LIAT1: variants seen among roughly 807,000 people sequenced by gnomAD.
LIAT1 encodes the protein ligand of ATE1, also known as protein LIAT1.
At chr17:410,362 G>A in the LIAT1 span, 1 of 1,505,520 alleles carries the variant, frequency 6.6e-7, no homozygotes, top group Non-Finnish European at 8.8e-7. Flanking sequence ...CGTGGCCCTG[G>A]CCTGGCGGTC....
the LIAT1 span, chr17:413,008 G>C: frequency 1.2e-6 from 1 of 858,154 alleles, no homozygotes; most frequent in Non-Finnish European, 1.8e-6. Flanking sequence ...TGGGCACGAG[G>C]CTGGTGGGCT....
At chr17:413,048 C>G in the LIAT1 span, 1 of 1,427,802 alleles carries the variant, frequency 7.0e-7, no homozygotes. Context: ...TACGGAGGGG[C>G]CCCCATCCTC....
the LIAT1 span, chr17:413,429 C>G: frequency 3.1e-6 from 5 of 1,614,084 alleles, no homozygotes; most frequent in East Asian, 4.5e-5. Context: ...TCGGAGAAAA[C>G]GGTACCGGTG....
At chr17:412,408 C>G in the LIAT1 span, among the ~76,000 whole-genome samples, 262 of 152,180 alleles carry the variant, frequency 1.7e-3, no homozygotes, top group African/African-American at 6.0e-3. Context: ...GTGCCTCATA[C>G]CATCAGCAGG....
At chr17:410,455 A>G in the LIAT1 span, 1 of 1,539,892 alleles carries the variant, frequency 6.5e-7, no homozygotes, top group Non-Finnish European at 8.7e-7. Context: ...GGGCGGCTGG[A>G]CCGCCGCGGT....
chr17:413,284 C>T, the LIAT1 span: 27 of 1,614,250 alleles, frequency 1.7e-5, no homozygotes, highest in East Asian at 4.5e-4. Context: ...TCCCTTCTGA[C>T]TCCTCCACCG....
At chr17:414,130 C>T in the LIAT1 span, 54 of 1,604,336 alleles carry the variant, frequency 3.4e-5, 1 homozygote, top group Admixed American at 2.1e-4. The surrounding 1 kb of genome is among the most constrained non-coding windows in gnomAD (Gnocchi z 4.1). Flanking sequence ...CTACCCACGA[C>T]GCTCACAAAC....
chr17:410,702 G>T, the LIAT1 span: 1 of 1,481,734 alleles, frequency 6.7e-7, no homozygotes, highest in East Asian at 2.5e-5. Context: ...AGACTCTTTG[G>T]GGACCCACCC....
chr17:412,318 CTG>C, the LIAT1 span, among the ~76,000 whole-genome samples: 5 of 152,082 alleles, frequency 3.3e-5, no homozygotes, highest in East Asian at 9.7e-4. Context: ...AAAAAAAGCC[CTG>C]TGTGTATCTG....
the LIAT1 span, among the ~76,000 whole-genome samples, chr17:412,464 A>G: frequency 1.3e-5 from 2 of 152,218 alleles, no homozygotes; most frequent in African/African-American, 4.8e-5. Context: ...GGAAATGTCA[A>G]AAGATGATTT....
chr17:414,064 C>A, the LIAT1 span: 1 of 1,614,246 alleles, frequency 6.2e-7, no homozygotes, highest in Non-Finnish European at 8.5e-7. The surrounding 1 kb of genome is among the most constrained non-coding windows in gnomAD (Gnocchi z 4.1). Flanking sequence ...TTGAAGGAAA[C>A]CTTACCCCAA....
the LIAT1 span, among the ~76,000 whole-genome samples, chr17:412,850 G>A: frequency 6.6e-6 from 1 of 152,230 alleles, no homozygotes; most frequent in Non-Finnish European, 1.5e-5. Flanking sequence ...TCATGACATT[G>A]GCAAGTTCCT....
the LIAT1 span, chr17:413,673 C>G: frequency 6.3e-7 from 1 of 1,575,286 alleles, no homozygotes; most frequent in Non-Finnish European, 8.6e-7. Flanking sequence ...GGTTTCCACA[C>G]TGACCCCGAG....
the LIAT1 span, among the ~76,000 whole-genome samples, chr17:412,890 CGAA>C: frequency 9.8e-5 from 15 of 152,322 alleles, no homozygotes; most frequent in East Asian, 2.1e-3. Flanking sequence ...TTTCCTCACC[CGAA>C]GAATAGGGCC....
the LIAT1 span, chr17:413,499 C>G: frequency 1.7e-5 from 25 of 1,461,664 alleles, 4 homozygotes; most frequent in Non-Finnish European, 2.1e-5. Flanking sequence ...CACCCCGACC[C>G]CGACGCCCTC....
the LIAT1 span, chr17:414,066 T>G: frequency 6.2e-7 from 1 of 1,614,220 alleles, no homozygotes; most frequent in Non-Finnish European, 8.5e-7. This position sits in a 1 kb window ranked among gnomAD's most constrained non-coding sequence, Gnocchi z 4.1. Flanking sequence ...GAAGGAAACC[T>G]TACCCCAAAG....
At chr17:410,681 C>T in the LIAT1 span, 3 of 1,530,070 alleles carry the variant, frequency 2.0e-6, no homozygotes, top group Admixed American at 3.9e-5. Context: ...GCGTCAGCTC[C>T]GGTTCCCTGG....
chr17:414,103 T>C, the LIAT1 span: 14 of 1,611,466 alleles, frequency 8.7e-6, no homozygotes, highest in Non-Finnish European at 1.2e-5. The surrounding 1 kb of genome is among the most constrained non-coding windows in gnomAD (Gnocchi z 4.1). Context: ...TAGCTCCTAC[T>C]CTGCTGGAGT....
At chr17:413,524 C>A in the LIAT1 span, 1 of 1,487,654 alleles carries the variant, frequency 6.7e-7, no homozygotes, top group African/African-American at 1.8e-5. Context: ...GCTTCCACCC[C>A]GACCCCGAGG....
Sources: allele counts gnomAD v4.1 joint callset (sites outside exome capture counted in the v4.1 genomes callset), GRCh38; gene constraint gnomAD v4.1.1; non-coding constraint Gnocchi (gnomAD v3.1); transcripts MANE v1.5; gene names NCBI Gene and HGNC (gene_info 2026-07-23, HGNC 2026-07-21).